The following PCDHGA2 variants were observed in gnomAD, a reference collection of about 807,000 sequenced individuals.
PCDHGA2 encodes the protein protocadherin gamma subfamily A, 2.
Under a neutral mutation model 59.2 loss-of-function variants are expected in PCDHGA2, and 40 were observed. The ratio of observed to expected loss-of-function variants is 0.68; its 90% CI spans 0.52 to 0.88. The LOEUF is 0.88. PCDHGA2 is among the 40% of genes least tolerant of loss of function. The pLI, the probability that PCDHGA2 is intolerant of heterozygous loss-of-function variation, is 0.00. For missense variants in PCDHGA2, 1,226 were observed against 1,204.0 expected, an observed-to-expected ratio of 1.02 and a Z score of -0.27; for synonymous variants, 560 against 526.0, an observed-to-expected ratio of 1.06 and a Z score of -0.89.
intron 1 of PCDHGA2, chr5:141,344,357 T>C (rs1344686437): frequency 6.2e-7 from 1 of 1,613,680 alleles, no homozygotes; most frequent in Admixed American, 1.7e-5. Context: ...AAATTAACAT[T>C]CTGGTTGAGG....
At chr5:141,398,797 G>A (rs1338071296) in intron 1 of PCDHGA2, 2 of 1,613,898 alleles carry the variant, frequency 1.2e-6, no homozygotes, top group South Asian at 1.1e-5. Flanking sequence ...ACCCCTAAGC[G>A]GCACCACTGA....
At chr5:141,352,413 A>T in intron 1 of PCDHGA2, 1 of 1,613,962 alleles carries the variant, frequency 6.2e-7, no homozygotes, top group Non-Finnish European at 8.5e-7. Context: ...TCCAGCCTCG[A>T]CACTGAGGGC....
In PCDHGA2 at chr5:141,340,609, A is replaced by G. The variant is rs764716943; in HGVS notation, c.1638A>G (p.Val546=). 4.3e-6 allele frequency: 7 copies of G among 1,614,170 alleles called. No individual in the cohort carries two copies. In the Admixed American group the frequency reaches 5.0e-5, roughly 12 times the overall value. ...DSGNPPLSSN[V]SLSLFVLDQN... is the part of the protein sequence containing the mutation. ...GGAACCCTCCACTCAGTAGCAATGT[A>G]TCATTAAGCCTGTTCGTGCTGGACC... Residue 546 remains valine (V), a synonymous_variant, in exon 1 of 4, where the codon GTA becomes GTG. Coordinates refer to ENST00000394576, the MANE Select transcript of PCDHGA2 (RefSeq NM_018915.4).
chr5:141,486,361 C>T lies in PCDHGA2; in HGVS notation c.2425-8446C>T. 1.2e-6 allele frequency: 2 copies of T among 1,614,086 alleles called. No individual in the cohort carries two copies. The highest frequency in any genetic ancestry group is 1.7e-6 in the Non-Finnish European group (2 of 1,179,994). On this transcript the variant is annotated intron_variant, in intron 1 of 3. Coordinates refer to ENST00000394576, the MANE Select transcript of PCDHGA2 (RefSeq NM_018915.4). This position sits in a 1 kb window ranked among gnomAD's most constrained non-coding sequence, Gnocchi z 5.0. ...GCATTCCTGACCACTTGCCATTTGCCCTCAAGTCTGCCTTCAGGAACCAGT... is the reference window on the plus strand; with the variant it reads ...GCATTCCTGACCACTTGCCATTTGCTCTCAAGTCTGCCTTCAGGAACCAGT...
chr5:141,450,119 G>A (rs765403319), intron 1 of PCDHGA2, among the ~76,000 whole-genome samples: 2 of 148,920 alleles, frequency 1.3e-5, no homozygotes, highest in Non-Finnish European at 3.0e-5. Context: ...TGATTCTCCT[G>A]CCTTAGCCTC....
Position 141,458,000 on chromosome 5 carries a change from A to G in PCDHGA2, c.2425-36807A>G, listed in dbSNP as rs1047291886. ...CACCCTTTCAGTTAAAGCCTTGGCA[A>G]AATAACCGGTTTTTCCAATTGTGTT... On this transcript the variant is annotated intron_variant, in intron 1 of 3. Coordinates refer to ENST00000394576, the MANE Select transcript of PCDHGA2 (RefSeq NM_018915.4). Among the ~76,000 whole-genome samples, 4 of 152,214 alleles carry G rather than the reference A, an allele frequency of 2.6e-5. No homozygotes were observed. In the East Asian group the frequency reaches 5.8e-4, roughly 22 times the overall value.
Position 141,418,027 on chromosome 5 carries a change from T to A in PCDHGA2, c.2424+76632T>A, listed in dbSNP as rs536104184. 2.4e-5 allele frequency: 38 copies of A among 1,613,808 alleles called. 1 individual carries two copies. In the South Asian group the frequency reaches 4.2e-4, roughly 18 times the overall value. ...GGAACCTCGCTAAGGATCTAGGGCT[T>A]AGTGTCCTGGATGTGTCGGCTCGCG... On this transcript the variant is annotated intron_variant, in intron 1 of 3. Coordinates refer to ENST00000394576, the MANE Select transcript of PCDHGA2 (RefSeq NM_018915.4).
intron 1 of PCDHGA2, chr5:141,351,615 C>T (rs1400387546): frequency 1.2e-6 from 2 of 1,614,066 alleles, no homozygotes; most frequent in Non-Finnish European, 1.7e-6. Context: ...CATCAGGCCT[C>T]CTATGTGGTC....
intron 1 of PCDHGA2, chr5:141,398,938 G>A: frequency 6.2e-7 from 1 of 1,613,958 alleles, no homozygotes; most frequent in African/African-American, 1.3e-5. Context: ...TGACCAAGAC[G>A]AGGGCATCAA....
Position 141,346,603 on chromosome 5 carries a change from C to T in PCDHGA2, c.2424+5208C>T, listed in dbSNP as rs577224042. On this transcript the variant is annotated intron_variant, in intron 1 of 3. Coordinates refer to ENST00000394576, the MANE Select transcript of PCDHGA2 (RefSeq NM_018915.4). ...ATATTTGTCCCCCTTTCTTTCTGGGCCTATAGTAGGACTGCACTCCCCGGT... is the reference window on the plus strand; with the variant it reads ...ATATTTGTCCCCCTTTCTTTCTGGGTCTATAGTAGGACTGCACTCCCCGGT... The T allele has an allele frequency of 1.1e-4, 142 of 1,250,570 alleles. No homozygotes were observed. The East Asian group carries it at 3.5e-3, about 31-fold the overall frequency. 77.5% of individuals were successfully genotyped at this position (1,250,570 alleles called of 1,614,324 possible).
chr5:141,486,148 G>A lies in PCDHGA2; in HGVS notation c.2425-8659G>A. On this transcript the variant is annotated intron_variant, in intron 1 of 3. Coordinates refer to ENST00000394576, the MANE Select transcript of PCDHGA2 (RefSeq NM_018915.4). This position sits in a 1 kb window ranked among gnomAD's most constrained non-coding sequence, Gnocchi z 5.0. ...AATTTGATGTGCGGGCTCGCGATGG[G>A]GGTTCTCCAGCCATGGAGCAACATT... 2 of 1,614,164 alleles carry A rather than the reference G, an allele frequency of 1.2e-6. No homozygotes were observed. The highest frequency in any genetic ancestry group is 1.7e-6 in the Non-Finnish European group (2 of 1,180,026).
chr5:141,395,038 G>A lies in PCDHGA2; in HGVS notation c.2424+53643G>A, dbSNP rs762482437. On this transcript the variant is annotated intron_variant, in intron 1 of 3. Transcript: ENST00000394576. Reference sequence around the variant, plus strand: ...GGCGTGCCTGCCTCACATTTTGTGGGTGTTGAGGAGGTACAGGCTTTCCTG... The same window carrying A: ...GGCGTGCCTGCCTCACATTTTGTGGATGTTGAGGAGGTACAGGCTTTCCTG... 5.3e-5 allele frequency: 85 copies of A among 1,614,150 alleles called. 1 individual carries two copies. Among genetic ancestry groups the A allele is most frequent in the Non-Finnish European group, 7.1e-5 (84 of 1,180,034 alleles).
In PCDHGA2 at chr5:141,489,362, C is replaced by T. The variant is rs1562129544; in HGVS notation, c.2425-5445C>T. 8 of 1,613,052 alleles carry T rather than the reference C, an allele frequency of 5.0e-6. No individual in the cohort carries two copies. Among genetic ancestry groups the T allele is most frequent in the South Asian group, 2.2e-5 (2 of 90,970 alleles). On this transcript the variant is annotated intron_variant, in intron 1 of 3. Coordinates refer to ENST00000394576, the MANE Select transcript of PCDHGA2 (RefSeq NM_018915.4). The surrounding 1 kb of genome is among the most constrained non-coding windows in gnomAD (Gnocchi z 4.5). ...TACTCAGTGGTGGAGGAGTCTGAGC[C>T]GGGGACGCTGGTGGGGAATGTTGCT...
intron 1 of PCDHGA2, among the ~76,000 whole-genome samples, chr5:141,445,447 A>G (rs974383838): frequency 3.4e-4 from 51 of 152,222 alleles, no homozygotes; most frequent in Admixed American, 1.3e-3. Flanking sequence ...TGGACTAAGG[A>G]TGCAGCAATG....
Position 141,490,156 on chromosome 5 carries a change from G to T in PCDHGA2, c.2425-4651G>T. On this transcript the variant is annotated intron_variant, in intron 1 of 3. Coordinates refer to ENST00000394576, the MANE Select transcript of PCDHGA2 (RefSeq NM_018915.4). The surrounding 1 kb of genome is among the most constrained non-coding windows in gnomAD (Gnocchi z 5.4). ...TAGCAGTGGGGCAATCCATGTGTTG[G>T]GTCCCATAGACTTTGAGGAGTCACG... is the stretch of plus-strand genomic sequence containing the variant. 3.1e-6 allele frequency: 5 copies of T among 1,614,192 alleles called. No individual in the cohort carries two copies. Among genetic ancestry groups the T allele is most frequent in the Non-Finnish European group, 4.2e-6 (5 of 1,180,034 alleles).
chr5:141,355,810 G>A (rs756091940), intron 1 of PCDHGA2: 2 of 1,613,274 alleles, frequency 1.2e-6, no homozygotes, highest in East Asian at 2.2e-5. Flanking sequence ...AGATCGCGAG[G>A]AAGAGGCGGT....
intron 1 of PCDHGA2, chr5:141,364,246 G>C (rs918034939): frequency 6.8e-7 from 1 of 1,464,914 alleles, no homozygotes; most frequent in African/African-American, 1.4e-5. Flanking sequence ...ATTTTCGTCA[G>C]GGAATATGTA....
At position 141,399,929 on chromosome 5, in the gene PCDHGA2, C is replaced by T. The variant is rs746168026; in HGVS notation, c.2424+58534C>T. 15 of 1,612,262 alleles carry T rather than the reference C, an allele frequency of 9.3e-6. No homozygotes were observed. The African/African-American group carries it at 1.1e-4, about 11-fold the overall frequency. On this transcript the variant is annotated intron_variant, in intron 1 of 3. Coordinates refer to ENST00000394576, the MANE Select transcript of PCDHGA2 (RefSeq NM_018915.4). ...GACTCAGGACACAACGCCTGGCTGT[C>T]CTACCACGTGCTGCAGGCTAGCGAG...
At chr5:141,346,414 C>G in intron 1 of PCDHGA2, 1 of 1,614,240 alleles carries the variant, frequency 6.2e-7, no homozygotes. Context: ...CTTCTGATAA[C>G]TCAGGATTTA....
Sources: allele counts gnomAD v4.1 joint callset (sites outside exome capture counted in the v4.1 genomes callset), GRCh38; gene constraint gnomAD v4.1.1; non-coding constraint Gnocchi (gnomAD v3.1); transcripts MANE v1.5; gene names NCBI Gene and HGNC (gene_info 2026-07-23, HGNC 2026-07-21).